Variants in ENTREP2 observed in about 807,000 individuals in gnomAD.
ENTREP2 encodes the protein protein ENTREP2.
the ENTREP2 span, among the ~76,000 whole-genome samples, chr15:29,431,874 T>A: frequency 6.6e-6 from 1 of 152,196 alleles, no homozygotes; most frequent in African/African-American, 2.4e-5. Context: ...TTTCTATTCT[T>A]CAAATTAATG....
chr15:29,173,618 A>T, the ENTREP2 span, among the ~76,000 whole-genome samples: 1 of 152,076 alleles, frequency 6.6e-6, no homozygotes, highest in African/African-American at 2.4e-5. Flanking sequence ...TGATCTCATT[A>T]CTGGAAGGTT....
At chr15:29,395,730 C>T in the ENTREP2 span, among the ~76,000 whole-genome samples, 6 of 151,610 alleles carry the variant, frequency 4.0e-5, no homozygotes, top group Non-Finnish European at 5.9e-5. Context: ...ATGGGGGTTT[C>T]GCCACGTTGC....
At chr15:29,136,394 G>A in the ENTREP2 span, 47 of 1,524,622 alleles carry the variant, frequency 3.1e-5, no homozygotes, top group East Asian at 2.0e-4. Flanking sequence ...GCCCACCACC[G>A]CCTCGTACGG....
the ENTREP2 span, among the ~76,000 whole-genome samples, chr15:29,601,876 G>A: frequency 6.6e-6 from 1 of 152,152 alleles, no homozygotes. Context: ...AACTTGCTGC[G>A]ATTGGTCACC....
At chr15:29,424,212 C>A in the ENTREP2 span, among the ~76,000 whole-genome samples, 2 of 152,180 alleles carry the variant, frequency 1.3e-5, no homozygotes, top group African/African-American at 4.8e-5. Context: ...CCAAGAGCAG[C>A]AAAAATACAA....
chr15:29,387,175 C>T, the ENTREP2 span, among the ~76,000 whole-genome samples: 1 of 152,162 alleles, frequency 6.6e-6, no homozygotes, highest in African/African-American at 2.4e-5. Context: ...TACATCACAT[C>T]AATACCTAAT....
the ENTREP2 span, among the ~76,000 whole-genome samples, chr15:29,604,054 G>GC: frequency 1.3e-5 from 2 of 152,190 alleles, no homozygotes; most frequent in Admixed American, 6.5e-5. Context: ...GGAGACAGTT[G>GC]CAACATTTAT....
At chr15:29,120,160 A>G in the ENTREP2 span, 1 of 152,256 alleles carries the variant, frequency 6.6e-6, no homozygotes, top group Admixed American at 6.5e-5. Context: ...CCGGCTGGCT[A>G]CTGCAAGGTC....
At chr15:29,172,935 G>T in the ENTREP2 span, among the ~76,000 whole-genome samples, 4 of 152,162 alleles carry the variant, frequency 2.6e-5, no homozygotes, top group African/African-American at 9.7e-5. Context: ...CCAGGTTACA[G>T]TCTGTGGCGG....
At chr15:29,122,549 T>G in the ENTREP2 span, 2 of 152,098 alleles carry the variant, frequency 1.3e-5, no homozygotes, top group African/African-American at 4.8e-5. Context: ...CGGCACTTGT[T>G]GTTACGGATC....
chr15:29,202,176 G>A, the ENTREP2 span, among the ~76,000 whole-genome samples: 1 of 152,018 alleles, frequency 6.6e-6, no homozygotes, highest in Non-Finnish European at 1.5e-5. Flanking sequence ...TCTTGCTAGA[G>A]TTTTGTCAAT....
At chr15:29,528,405 T>C in the ENTREP2 span, among the ~76,000 whole-genome samples, 1 of 151,562 alleles carries the variant, frequency 6.6e-6, no homozygotes, top group East Asian at 1.9e-4. Flanking sequence ...AATGAAGTGA[T>C]GCTCCTCCTC....
chr15:29,245,364 A>G, the ENTREP2 span, among the ~76,000 whole-genome samples: 1 of 152,176 alleles, frequency 6.6e-6, no homozygotes, highest in African/African-American at 2.4e-5. Context: ...AAAACCCGAA[A>G]ATACTGAGGG....
chr15:29,574,620 A>G, the ENTREP2 span, among the ~76,000 whole-genome samples: 1 of 152,192 alleles, frequency 6.6e-6, no homozygotes, highest in African/African-American at 2.4e-5. Context: ...GCAAAGCATG[A>G]CAAGGTGGCT....
At chr15:29,342,987 G>T in the ENTREP2 span, among the ~76,000 whole-genome samples, 2 of 143,664 alleles carry the variant, frequency 1.4e-5, no homozygotes, top group Non-Finnish European at 3.1e-5. Context: ...ATCAAAATTT[G>T]ATAGCTGCAA....
At chr15:29,380,670 C>G in the ENTREP2 span, among the ~76,000 whole-genome samples, 1 of 152,114 alleles carries the variant, frequency 6.6e-6, no homozygotes, top group South Asian at 2.1e-4. Flanking sequence ...AGCACAATGC[C>G]ACGGCAATTC....
At chr15:29,394,779 T>C in the ENTREP2 span, among the ~76,000 whole-genome samples, 1 of 151,910 alleles carries the variant, frequency 6.6e-6, no homozygotes, top group South Asian at 2.1e-4. Flanking sequence ...CTTCTTTCTG[T>C]CTCTATATGA....
chr15:29,419,138 T>C, the ENTREP2 span, among the ~76,000 whole-genome samples: 1 of 152,200 alleles, frequency 6.6e-6, no homozygotes, highest in Admixed American at 6.5e-5. Flanking sequence ...GCACAGTCCT[T>C]GCTTCAATGA....
the ENTREP2 span, among the ~76,000 whole-genome samples, chr15:29,323,297 T>C: frequency 6.6e-6 from 1 of 152,030 alleles, no homozygotes; most frequent in African/African-American, 2.4e-5. Context: ...TGATCACCAA[T>C]AGCCAGTGGT....
Sources: gnomAD v4.1 joint callset for allele counts (sites outside exome capture counted in the v4.1 genomes callset) on GRCh38, gnomAD v4.1.1 for gene constraint, MANE v1.5 for transcripts, NCBI Gene and HGNC (gene_info 2026-07-23, HGNC 2026-07-21) for gene names.